Variants in CHRD observed in about 807,000 individuals in gnomAD.
CHRD encodes the protein chordin.
CHRD carries 69 observed loss-of-function variants against 113.7 expected under a neutral mutation model. The ratio of observed to expected loss-of-function variants is 0.61; its 90% confidence interval spans 0.50 to 0.74. The LOEUF is 0.74. CHRD is among the 30% of genes least tolerant of loss of function. The pLI is 0.00. For synonymous variants in CHRD, 561 were observed against 540.8 expected (o/e 1.04, Z -0.52); for missense variants, 1,194 against 1,295.8 (o/e 0.92, Z 1.21).
At chr3:184,382,552 G>A in intron 7 of CHRD, 22 bp downstream of exon 7, 1 of 1,613,338 alleles carries the variant, frequency 6.2e-7, no homozygotes, top group Non-Finnish European at 8.5e-7. Context: ...AGAGCCCCGG[G>A]CGTGAAGTTC....
chr3:184,384,833 C>A lies in CHRD; in HGVS notation c.1597+140C>A. 7.8e-7 allele frequency: 1 copy of A among 1,277,014 alleles called. No homozygotes were observed. The highest frequency in any genetic ancestry group is 1.1e-6 in the Non-Finnish European group (1 of 936,516). 79.1% of individuals were successfully genotyped at this position (1,277,014 alleles called of 1,614,324 possible). ...TGAAGGTGGGGACATATAGGGTGGC[C>A]CTGCTGGCGGACTCTTCCTGTTGCT... On this transcript the variant is annotated intron_variant, in intron 13 of 22. Transcript: ENST00000204604. This position sits in a 1 kb window ranked among gnomAD's most constrained non-coding sequence, Gnocchi z 4.4.
chr3:184,389,402 A>G, exon 23 of CHRD: 2 of 1,613,624 alleles, frequency 1.2e-6, no homozygotes, highest in East Asian at 2.2e-5. Context: ...AGAGCTGGAG[A>G]AAGAAGCCGA....
At chr3:184,383,737 A>G (rs1715841122) in intron 12 of CHRD, 95 bp downstream of exon 12, 3 of 1,203,360 alleles carry the variant, frequency 2.5e-6, no homozygotes, top group Non-Finnish European at 3.4e-6. Context: ...TCATCCACTC[A>G]CTCATGGGTT....
At chr3:184,386,287 G>C (rs1478759949) in intron 15 of CHRD, 128 bp downstream of exon 15, 1 of 1,231,954 alleles carries the variant, frequency 8.1e-7, no homozygotes, top group African/African-American at 1.5e-5. Flanking sequence ...CGCCCCCCCG[G>C]CTGGTGGGGA....
At chr3:184,386,621 C>A in exon 16 of CHRD, 1 of 1,608,360 alleles carries the variant, frequency 6.2e-7, no homozygotes, top group South Asian at 1.1e-5. Flanking sequence ...TCTCCCGGCC[C>A]TAGCGCCCGC....
In CHRD at chr3:184,381,183, C is replaced by T. The variant is rs1715319658; in HGVS notation, c.253-52C>T. The T allele has an allele frequency of 1.2e-6, 2 of 1,608,380 alleles. No homozygotes were observed. Among genetic ancestry groups the T allele is most frequent in the Non-Finnish European group, 1.7e-6 (2 of 1,177,302 alleles). On this transcript the variant is annotated intron_variant, in intron 2 of 22. Transcript: ENST00000204604. This position sits in a 1 kb window ranked among gnomAD's most constrained non-coding sequence, Gnocchi z 4.7. Reference sequence around the variant, plus strand: ...GGGACATCCTTGCCTGGGGGGGTCTCATCAGTTGGCATCTTGCACTCACTT... The same window carrying T: ...GGGACATCCTTGCCTGGGGGGGTCTTATCAGTTGGCATCTTGCACTCACTT...
At chr3:184,389,339 T>A (rs375843465) in intron 22 of CHRD, 28 bp from the exon 23 acceptor site, 49 of 1,610,350 alleles carry the variant, frequency 3.0e-5, no homozygotes, top group Non-Finnish European at 4.1e-5. Context: ...TCTCCCCTCC[T>A]CCAACATTCC....
In CHRD at chr3:184,380,511, G is replaced by T; in HGVS notation, c.148+45G>T. On this transcript the variant is annotated intron_variant, in intron 1 of 22. Transcript: ENST00000204604. This position sits in a 1 kb window ranked among gnomAD's most constrained non-coding sequence, Gnocchi z 6.3. ...AGGCGCGGGCGGGGAGTCGGGCTCGGGGCGAGTCAGCGCCAGCCCGGAGGG... is the reference window on the plus strand; with the variant it reads ...AGGCGCGGGCGGGGAGTCGGGCTCGTGGCGAGTCAGCGCCAGCCCGGAGGG... 1 of 1,134,754 alleles carries T rather than the reference G, an allele frequency of 8.8e-7. No homozygotes were observed. Among genetic ancestry groups the T allele is most frequent in the South Asian group, 3.9e-5 (1 of 25,824 alleles). The allele number at this position is 1,134,754 out of a possible 1,614,324, so 70.3% of individuals were successfully genotyped here. A position where few individuals can be genotyped will look rare whatever the true frequency, so the allele number is the denominator to read the frequency against.
At chr3:184,382,899 G>A in exon 9 of CHRD, 4 of 1,613,896 alleles carry the variant, frequency 2.5e-6, no homozygotes, top group Non-Finnish European at 3.4e-6. Context: ...TACACCAGGG[G>A]CAGCTACTGC....
At chr3:184,389,428 A>G (rs1486090854) in exon 23 of CHRD, 1 of 1,613,130 alleles carries the variant, frequency 6.2e-7, no homozygotes, top group African/African-American at 1.3e-5. Context: ...CTTAGGGAGC[A>G]GCCAGAGGGC....
chr3:184,380,768 G>A lies in CHRD; in HGVS notation c.225G>A (p.Met75Ile). ...ACCTAGGGGAGCCATTCGGGGTGATGCGCTGCGTGCTGTGCGCCTGCGAGG... is the reference window on the plus strand; with the variant it reads ...ACCTAGGGGAGCCATTCGGGGTGATACGCTGCGTGCTGTGCGCCTGCGAGG... The change falls in exon 2 of 23, where the codon ATG becomes ATA. Residue 75 changes from methionine to isoleucine, a missense_variant. By Grantham distance (10) the Met-to-Ile change is conservative (BLOSUM62 1). Coordinates refer to ENST00000204604, the Ensembl canonical transcript of CHRD. The surrounding 1 kb of genome is among the most constrained non-coding windows in gnomAD (Gnocchi z 6.3). 6.3e-7 allele frequency: 1 copy of A among 1,599,186 alleles called. No individual in the cohort carries two copies. The highest frequency in any genetic ancestry group is 8.5e-7 in the Non-Finnish European group (1 of 1,177,104).
exon 23 of CHRD, chr3:184,389,612 A>G: frequency 1.7e-6 from 1 of 586,974 alleles, no homozygotes; most frequent in Non-Finnish European, 3.1e-6. Flanking sequence ...GGCCAGACCG[A>G]GGTCACAGCC....
chr3:184,382,483 CA>C lies in CHRD; in HGVS notation c.795del (p.Glu267ArgfsTer21). The C allele has an allele frequency of 2.5e-6, 4 of 1,614,102 alleles. No individual in the cohort carries two copies. Among genetic ancestry groups the C allele is most frequent in the Non-Finnish European group, 2.5e-6 (3 of 1,180,028 alleles). On this transcript the variant is annotated frameshift_variant, in exon 7 of 23. Coordinates refer to ENST00000204604, the Ensembl canonical transcript of CHRD. LOFTEE classifies it high-confidence loss of function. The stretch of plus-strand genomic sequence containing the variant: ...GCACTTGTGACACTCACTCACCCTT[CA>C]GGGGAGGTCTGGGGGCCTCTCATCC...
chr3:184,386,521 C>A lies in CHRD; in HGVS notation c.1962C>A (p.Gly654=), dbSNP rs541637464. Residue 654 remains glycine (G), a synonymous_variant, in exon 16 of 23, where the codon GGC becomes GGA. Transcript: ENST00000204604. The stretch of plus-strand genomic sequence containing the variant: ...ACATAGCCAACCAATGTGAGGTTGG[C>A]GGACTGCGCCTGGAGGCGGCCGGGG... The A allele has an allele frequency of 8.5e-6, 13 of 1,537,256 alleles. No individual in the cohort carries two copies. In the East Asian group the frequency reaches 3.1e-4, roughly 37 times the overall value.
Position 184,380,450 on chromosome 3 carries a change from C to A in CHRD, c.132C>A (p.Pro44=). Reference sequence around the variant, plus strand: ...TCCGTTCTGAGAAGGAGCCGCTGCCCGTTCGGGGAGCGGCAGGTAGGTGGG... The same window carrying A: ...TCCGTTCTGAGAAGGAGCCGCTGCCAGTTCGGGGAGCGGCAGGTAGGTGGG... Residue 44 remains proline, a synonymous_variant, in exon 1 of 23, where the codon CCC becomes CCA. Coordinates refer to ENST00000204604, the Ensembl canonical transcript of CHRD. The surrounding 1 kb of genome is among the most constrained non-coding windows in gnomAD (Gnocchi z 6.3). 1.6e-6 allele frequency: 2 copies of A among 1,219,024 alleles called. No homozygotes were observed. Among genetic ancestry groups the A allele is most frequent in the South Asian group, 2.4e-5 (1 of 40,996 alleles). 75.5% of individuals were successfully genotyped at this position (1,219,024 alleles called of 1,614,324 possible).
At chr3:184,386,298 G>A (rs1422101763) in intron 15 of CHRD, 139 bp downstream of exon 15, 2 of 1,215,764 alleles carry the variant, frequency 1.6e-6, no homozygotes, top group East Asian at 2.5e-5. Flanking sequence ...CTGGTGGGGA[G>A]GATGAGCTAC....
In CHRD at chr3:184,383,518, A is replaced by T. The variant is rs1405933768; in HGVS notation, c.1321-5A>T. The T allele has an allele frequency of 6.2e-7, 1 of 1,613,798 alleles. No individual in the cohort carries two copies. Among genetic ancestry groups the T allele is most frequent in the Admixed American group, 1.7e-5 (1 of 59,984 alleles). ...ACTTTGCCCTCCTCCATCCCTGCCC[A>T]TCAGGTGCAAGTGGTAGGGACAAGC... is the stretch of plus-strand genomic sequence containing the variant. On this transcript the variant is annotated splice_region_variant and splice_polypyrimidine_tract_variant and intron_variant, in intron 11 of 22. Transcript: ENST00000204604.
In CHRD at chr3:184,380,829, C is replaced by T; in HGVS notation, c.252+34C>T. Reference sequence around the variant, plus strand: ...ACCCCGCGGCCGGCCCGGGCCCTGGCGGGTGGGGAGCGCCGGGTCGCGCGG... The same window carrying T: ...ACCCCGCGGCCGGCCCGGGCCCTGGTGGGTGGGGAGCGCCGGGTCGCGCGG... On this transcript the variant is annotated intron_variant, in intron 2 of 22. Transcript: ENST00000204604. The surrounding 1 kb of genome is among the most constrained non-coding windows in gnomAD (Gnocchi z 6.3). The T allele has an allele frequency of 2.7e-6, 4 of 1,507,368 alleles. No individual in the cohort carries two copies. The highest frequency in any genetic ancestry group is 2.7e-6 in the Non-Finnish European group (3 of 1,126,476). 93.4% of individuals were successfully genotyped at this position (1,507,368 alleles called of 1,614,324 possible).
intron 6 of CHRD, 125 bp from the exon 7 acceptor site, chr3:184,382,264 A>G (rs1715556734): frequency 6.8e-7 from 1 of 1,479,842 alleles, no homozygotes; most frequent in African/African-American, 1.4e-5. Context: ...GTTCTTTCTT[A>G]AGCTTCCTAG....
Sources: allele counts gnomAD v4.1 joint callset, GRCh38; gene constraint gnomAD v4.1.1; non-coding constraint Gnocchi (gnomAD v3.1); transcripts MANE v1.5; gene names NCBI Gene and HGNC (gene_info 2026-07-23, HGNC 2026-07-21).